PATJ: variants seen among roughly 807,000 people sequenced by gnomAD.
The protein encoded by PATJ is inaD-like protein.
A neutral mutation model predicts 224.9 loss-of-function variants in PATJ; 190 were observed. That is an observed-to-expected ratio of 0.84 (90% CI 0.75 to 0.95). The LOEUF (loss-of-function observed/expected upper bound fraction) is 0.95. Among genes scored for constraint, PATJ ranks in the 40% least tolerant of loss-of-function variants. PATJ has a pLI of 0.00. For synonymous variants in PATJ, 769 were observed against 820.3 expected, an observed-to-expected ratio of 0.94 and a Z score of 1.07; for missense variants, 2,121 against 2,270.3, an observed-to-expected ratio of 0.93 and a Z score of 1.34.
chr1:62,049,154 A>G (rs1653106577), intron 30 of PATJ, among the ~76,000 whole-genome samples: 1 of 151,282 alleles, frequency 6.6e-6, no homozygotes, highest in South Asian at 2.1e-4. Flanking sequence ...ATGCAATCGT[A>G]TGTGATAATT....
At position 61,772,873 on chromosome 1, in the gene PATJ, A is replaced by G. The variant is rs115221696; in HGVS notation, c.720+1247A>G. Among the ~76,000 whole-genome samples, 268 of 152,316 alleles carry G rather than the reference A, an allele frequency of 1.8e-3. 1 individual carries two copies. Among genetic ancestry groups the G allele is most frequent in the African/African-American group, 6.1e-3 (253 of 41,574 alleles). On this transcript the variant is annotated intron_variant, in intron 6 of 43. Transcript: ENST00000642238. ...TGTTATGAGGCTTGAATGAGAAGGC[A>G]CGTGAAGAACTAAGCACTGTGCCTG...
intron 21 of PATJ, among the ~76,000 whole-genome samples, chr1:61,878,787 AT>A (rs570059873): frequency 2.5e-3 from 370 of 145,402 alleles, no homozygotes; most frequent in Middle Eastern, 7.0e-3. Flanking sequence ...GAACTTATGG[AT>A]TTTTTTTTTT....
At chr1:61,931,825 T>C (rs1036663140) in intron 27 of PATJ, among the ~76,000 whole-genome samples, 4 of 152,170 alleles carry the variant, frequency 2.6e-5, no homozygotes, top group African/African-American at 2.4e-5. Flanking sequence ...GTAGTCATCA[T>C]ATAGATAAGG....
At chr1:62,047,960 A>C (rs564870823) in intron 30 of PATJ, among the ~76,000 whole-genome samples, 7 of 152,354 alleles carry the variant, frequency 4.6e-5, no homozygotes, top group Admixed American at 2.0e-4. Context: ...CTGTAAGATC[A>C]GTTGTCAACA....
intron 33 of PATJ, among the ~76,000 whole-genome samples, chr1:62,106,121 A>AC (rs1558176204): frequency 6.4e-5 from 2 of 31,298 alleles, no homozygotes; most frequent in Non-Finnish European, 1.4e-4. Flanking sequence ...CACACACACA[A>AC]ACACACATAT....
In PATJ at chr1:61,822,861, T is replaced by C. The variant is rs1657562779; in HGVS notation, c.1684-84T>C. The C allele has an allele frequency of 4.0e-6, 6 of 1,502,642 alleles. No homozygotes were observed. The African/African-American group carries it at 8.4e-5, about 21-fold the overall frequency. The allele number at this position is 1,502,642 out of a possible 1,614,324, so 93.1% of individuals were successfully genotyped here. ...GATCTAATTCAAGAGGTGGGGTTTT[T>C]CACTTCAAAATAGCACTGGATGGAG... On this transcript the variant is annotated intron_variant, in intron 14 of 43. Coordinates refer to ENST00000642238, the MANE Select transcript of PATJ (RefSeq NM_001350145.3).
chr1:61,983,372 T>C (rs1177992712), intron 27 of PATJ, among the ~76,000 whole-genome samples: 1 of 152,092 alleles, frequency 6.6e-6, no homozygotes, highest in African/African-American at 2.4e-5. Context: ...CCTATAAATC[T>C]TTTTGCTTAT....
At chr1:61,899,323 CTT>C (rs1670801325) in intron 22 of PATJ, among the ~76,000 whole-genome samples, 1 of 152,006 alleles carries the variant, frequency 6.6e-6, no homozygotes, top group African/African-American at 2.4e-5. Flanking sequence ...CAAACGCAAA[CTT>C]TTAGTGTCTA....
chr1:62,116,764 G>A, intron 36 of PATJ, 85 bp downstream of exon 36: 2 of 1,324,792 alleles, frequency 1.5e-6, no homozygotes, highest in Non-Finnish European at 1.0e-6. Flanking sequence ...TATAAAATGG[G>A]TTGGATTTTA....
chr1:62,050,338 G>A (rs1401186090), intron 30 of PATJ, among the ~76,000 whole-genome samples: 1 of 152,184 alleles, frequency 6.6e-6, no homozygotes. Context: ...AAATGTATTA[G>A]CTCTCACAGA....
At chr1:61,899,908 T>C (rs745510524) in intron 23 of PATJ, among the ~76,000 whole-genome samples, 22 of 152,370 alleles carry the variant, frequency 1.4e-4, no homozygotes, top group Non-Finnish European at 2.4e-4. Context: ...ATCTAACAAG[T>C]ATAGTTTATC....
chr1:61,897,093 G>A (rs1163016596), intron 22 of PATJ, among the ~76,000 whole-genome samples: 1 of 152,118 alleles, frequency 6.6e-6, no homozygotes, highest in Non-Finnish European at 1.5e-5. Flanking sequence ...TACTATGTGG[G>A]TAGATTTTTG....
chr1:61,813,378 TACACACACACACACACACAC>T (rs141533164), intron 14 of PATJ, among the ~76,000 whole-genome samples: 9 of 46,344 alleles, frequency 1.9e-4, no homozygotes, highest in South Asian at 8.4e-4. Context: ...TATATATATA[TACACACACACACACACACAC>T]ATACACACAT....
At chr1:62,038,677 G>A (rs549108238) in intron 30 of PATJ, 47 of 247,804 alleles carry the variant, frequency 1.9e-4, no homozygotes, top group African/African-American at 9.5e-4. Flanking sequence ...GGAAGTTAAC[G>A]TTCACTATTC....
intron 28 of PATJ, among the ~76,000 whole-genome samples, chr1:62,015,830 G>A (rs939419995): frequency 3.9e-5 from 6 of 152,130 alleles, no homozygotes; most frequent in Non-Finnish European, 7.3e-5. Flanking sequence ...ACCACGCCCA[G>A]CTAACTTTTG....
intron 1 of PATJ, among the ~76,000 whole-genome samples, chr1:61,758,589 C>T (rs545453417): frequency 5.9e-5 from 9 of 152,104 alleles, no homozygotes; most frequent in Non-Finnish European, 1.3e-4. Flanking sequence ...TCAAGTGATC[C>T]GCCCACCTTG....
At chr1:61,749,332 T>C (rs907004584) in intron 1 of PATJ, among the ~76,000 whole-genome samples, 15 of 152,142 alleles carry the variant, frequency 9.9e-5, no homozygotes, top group African/African-American at 3.6e-4. Flanking sequence ...TAACTCTTTT[T>C]TACAAACAAG....
chr1:61,946,877 G>T (rs1478721575), intron 27 of PATJ, among the ~76,000 whole-genome samples: 1 of 152,136 alleles, frequency 6.6e-6, no homozygotes, highest in Admixed American at 6.6e-5. Context: ...CCACAATCAA[G>T]TTGGCCTCAT....
chr1:61,970,880 A>G (rs1682882694), intron 27 of PATJ, among the ~76,000 whole-genome samples: 1 of 141,856 alleles, frequency 7.0e-6, no homozygotes, highest in Admixed American at 6.7e-5. Context: ...TTACAGAACT[A>G]TAAGATACTT....
Sources: allele counts gnomAD v4.1 joint callset (sites outside exome capture counted in the v4.1 genomes callset), GRCh38; gene constraint gnomAD v4.1.1; transcripts MANE v1.5; gene names NCBI Gene and HGNC (gene_info 2026-07-23, HGNC 2026-07-21).